Variants in SP2 observed in about 807,000 individuals in gnomAD.
SP2 encodes the protein Sp2 transcription factor.
Under a neutral mutation model 50.1 loss-of-function variants are expected in SP2, and 9 were observed. That is an observed-to-expected ratio of 0.18 (90% CI 0.11 to 0.31). The LOEUF is 0.31. SP2 is among the 10% of genes least tolerant of loss of function. The pLI is 1.00. For synonymous variants in SP2, 313 were observed against 326.6 expected (o/e 0.96, Z 0.45); for missense variants, 581 against 806.5 (o/e 0.72, Z 3.39).
chr17:47,908,273 TGAA>T (rs1359384270), intron 1 of SP2, among the ~76,000 whole-genome samples: 3 of 152,154 alleles, frequency 2.0e-5, no homozygotes, highest in African/African-American at 7.2e-5. Flanking sequence ...AGGGAGATGA[TGAA>T]GAAACGCTAG....
intron 1 of SP2, chr17:47,899,882 C>A (rs1279276291): frequency 6.6e-6 from 1 of 152,254 alleles, no homozygotes; most frequent in Non-Finnish European, 1.5e-5. Context: ...ATGAGCAGCT[C>A]CAAGCAGTGC....
chr17:47,919,989 A>C (rs537648750), intron 3 of SP2, among the ~76,000 whole-genome samples: 1 of 148,786 alleles, frequency 6.7e-6, no homozygotes. Context: ...GGCGCGTGCC[A>C]CCACGCCCGG....
rs771481584 is a variant in SP2, at chr17:47,923,156, C to T, written c.1254C>T (p.Ala418=). The change falls in exon 4 of 7, where the codon GCC becomes GCT. Residue 418 remains alanine, a synonymous_variant. Coordinates refer to ENST00000376741, the MANE Select transcript of SP2 (RefSeq NM_003110.6). Reference sequence around the variant, plus strand: ...GTCCCCTGCCAAAGATTGCCCCAGCCGGGAGCATCATCAGCCTGAATGCAG... The same window carrying T: ...GTCCCCTGCCAAAGATTGCCCCAGCTGGGAGCATCATCAGCCTGAATGCAG... ...KERPLPKIAP[A]GSIISLNAAQ... is the part of the protein sequence containing the mutation. The T allele has an allele frequency of 9.3e-6, 15 of 1,614,110 alleles. No homozygotes were observed. Among genetic ancestry groups the T allele is most frequent in the East Asian group, 8.9e-5 (4 of 44,902 alleles).
chr17:47,924,088 A>G (rs977004580), intron 4 of SP2, among the ~76,000 whole-genome samples: 4 of 149,210 alleles, frequency 2.7e-5, no homozygotes, highest in Non-Finnish European at 5.9e-5. Context: ...AGAGGATCTG[A>G]TTTTTCCCAA....
Position 47,896,261 on chromosome 17 carries a change from C to T in SP2, c.-26C>T, listed in dbSNP as rs919948264. On this transcript the variant is annotated 5_prime_UTR_variant, in exon 1 of 7. Coordinates refer to ENST00000376741, the MANE Select transcript of SP2 (RefSeq NM_003110.6). ...AGGCTCTCGGTGGCGGCGGAGGCGG[C>T]GGAGGCCAGGGAGGAAGATGTCGTA... The T allele has an allele frequency of 2.4e-6, 3 of 1,236,592 alleles. No homozygotes were observed. The highest frequency in any genetic ancestry group is 3.0e-6 in the Non-Finnish European group (3 of 987,752). The allele number at this position is 1,236,592 out of a possible 1,614,324, so 76.6% of individuals were successfully genotyped here.
At chr17:47,905,392 A>G (rs948376924) in intron 1 of SP2, among the ~76,000 whole-genome samples, 3 of 152,192 alleles carry the variant, frequency 2.0e-5, no homozygotes, top group Admixed American at 6.5e-5. Flanking sequence ...TCCAGGGGAA[A>G]TACCATAGCA....
At chr17:47,896,397 G>C in intron 1 of SP2, 104 bp downstream of exon 1, 1 of 1,018,976 alleles carries the variant, frequency 9.8e-7, no homozygotes, top group Non-Finnish European at 1.3e-6. Flanking sequence ...TTCCCCCCTG[G>C]GGCTGGGTCT....
intron 2 of SP2, among the ~76,000 whole-genome samples, chr17:47,915,808 G>A (rs1213150808): frequency 6.6e-6 from 1 of 152,064 alleles, no homozygotes; most frequent in Non-Finnish European, 1.5e-5. Context: ...AGTCCCTGGG[G>A]TGGGCTAACA....
downstream of SP2, among the ~76,000 whole-genome samples, chr17:47,929,369 G>A (rs545882240): frequency 1.2e-4 from 19 of 152,320 alleles, no homozygotes; most frequent in African/African-American, 4.3e-4. Flanking sequence ...GAGCCAATGG[G>A]GCCTTGGCTC....
intron 1 of SP2, chr17:47,909,666 G>C: frequency 1.0e-6 from 1 of 977,714 alleles, no homozygotes; most frequent in Non-Finnish European, 1.2e-6. Flanking sequence ...TTTTACAGAG[G>C]GCACTAGGAG....
intron 1 of SP2, among the ~76,000 whole-genome samples, chr17:47,903,280 T>C (rs1380433888): frequency 6.6e-6 from 1 of 152,056 alleles, no homozygotes; most frequent in Non-Finnish European, 1.5e-5. Context: ...ATTTAGAATT[T>C]GAGAGGAGAG....
rs778218026 is a variant in SP2, at chr17:47,896,267, C to G, written c.-20C>G. The G allele has an allele frequency of 1.6e-6, 2 of 1,236,598 alleles. No individual in the cohort carries two copies. Among genetic ancestry groups the G allele is most frequent in the African/African-American group, 3.2e-5 (2 of 63,450 alleles). The allele number at this position is 1,236,598 out of a possible 1,614,324, so 76.6% of individuals were successfully genotyped here. A position where few individuals can be genotyped will look rare whatever the true frequency, so the allele number is the denominator to read the frequency against. ...TCGGTGGCGGCGGAGGCGGCGGAGG[C>G]CAGGGAGGAAGATGTCGTAATGAGC... is the stretch of plus-strand genomic sequence containing the variant. On this transcript the variant is annotated 5_prime_UTR_variant, in exon 1 of 7. Transcript: ENST00000376741.
At chr17:47,906,902 C>T (rs1380635815) in intron 1 of SP2, among the ~76,000 whole-genome samples, 1 of 152,012 alleles carries the variant, frequency 6.6e-6, no homozygotes, top group Non-Finnish European at 1.5e-5. Flanking sequence ...TGCGAGTAGG[C>T]ATGGTCACCC....
chr17:47,916,557 C>A lies in SP2; in HGVS notation c.486C>A (p.Thr162=), dbSNP rs1362749028. The part of the protein sequence containing the change: ...LTNQIQIIPG[T]NQAIITPSPS... ...ACCAGATCCAGATCATCCCTGGCACCAACCAAGCCATCATCACCCCCTCAC... is the reference window on the plus strand; with the variant it reads ...ACCAGATCCAGATCATCCCTGGCACAAACCAAGCCATCATCACCCCCTCAC... The change falls in exon 3 of 7, where the codon ACC becomes ACA. Residue 162 remains threonine, a synonymous_variant. Transcript: ENST00000376741. The surrounding 1 kb of genome is among the most constrained non-coding windows in gnomAD (Gnocchi z 4.7). 1 of 1,614,036 alleles carries A rather than the reference C, an allele frequency of 6.2e-7. No individual in the cohort carries two copies. Among genetic ancestry groups the A allele is most frequent in the Admixed American group, 1.7e-5 (1 of 59,988 alleles).
At chr17:47,908,350 A>G (rs2034846083) in intron 1 of SP2, among the ~76,000 whole-genome samples, 1 of 152,156 alleles carries the variant, frequency 6.6e-6, no homozygotes, top group Admixed American at 6.5e-5. Context: ...CTTGTTTTAT[A>G]ATAGAGGATG....
chr17:47,915,376 C>T lies in SP2; in HGVS notation c.72C>T (p.Ala24=), dbSNP rs962106856. ...VSPSDYLQPA[A]STTQDSQPSP... is the part of the protein sequence containing the mutation. ...CCAGTGACTACCTGCAGCCTGCCGC[C>T]TCCACCACCCAGGCGAGTAGGCAGT... Residue 24 remains alanine, a synonymous_variant, in exon 2 of 7, where the codon GCC becomes GCT. Transcript: ENST00000376741. 1.9e-6 allele frequency: 3 copies of T among 1,612,988 alleles called. No individual in the cohort carries two copies. Among genetic ancestry groups the T allele is most frequent in the Middle Eastern group, 1.6e-4 (1 of 6,080 alleles).
At position 47,896,305 on chromosome 17, in the gene SP2, C is replaced by T. The variant is rs923701914; in HGVS notation, c.7+12C>T. 1.6e-6 allele frequency: 2 copies of T among 1,237,940 alleles called. No homozygotes were observed. The highest frequency in any genetic ancestry group is 4.1e-5 in the South Asian group (1 of 24,446). 76.7% of individuals were successfully genotyped at this position (1,237,940 alleles called of 1,614,324 possible). A position where few individuals can be genotyped will look rare whatever the true frequency, so the allele number is the denominator to read the frequency against. ...TGTCGTAATGAGCGGTGGGTCCCGGCCGCTGCCGGCGGGGTCTTCCCGGCC... is the reference window on the plus strand; with the variant it reads ...TGTCGTAATGAGCGGTGGGTCCCGGTCGCTGCCGGCGGGGTCTTCCCGGCC... On this transcript the variant is annotated intron_variant, in intron 1 of 6. Coordinates refer to ENST00000376741, the MANE Select transcript of SP2 (RefSeq NM_003110.6).
At chr17:47,924,854 C>T (rs540313386) in intron 4 of SP2, 65 bp from the exon 5 acceptor site, 6 of 1,427,374 alleles carry the variant, frequency 4.2e-6, no homozygotes, top group East Asian at 2.3e-5. Flanking sequence ...TGCAGAAGGG[C>T]AGAAGGGTTG....
Position 47,917,143 on chromosome 17 carries a change from C to T in SP2, c.1059+13C>T, listed in dbSNP as rs935231760. ...GACACCTACTCAGGTACCACACTCC[C>T]TGTACTGTCCTCCTTCTCCTCCTCT... On this transcript the variant is annotated intron_variant, in intron 3 of 6. Coordinates refer to ENST00000376741, the MANE Select transcript of SP2 (RefSeq NM_003110.6). 1.3e-6 allele frequency: 2 copies of T among 1,577,854 alleles called. No homozygotes were observed. Among genetic ancestry groups the T allele is most frequent in the Non-Finnish European group, 1.7e-6 (2 of 1,161,996 alleles).
Sources: allele counts gnomAD v4.1 joint callset (sites outside exome capture counted in the v4.1 genomes callset), GRCh38; gene constraint gnomAD v4.1.1; non-coding constraint Gnocchi (gnomAD v3.1); transcripts MANE v1.5; gene names NCBI Gene and HGNC (gene_info 2026-07-23, HGNC 2026-07-21).